Variants in UBAC2 observed in about 807,000 individuals in gnomAD.
UBAC2 encodes ubiquitin-associated domain-containing protein 2.
A neutral mutation model predicts 44.0 loss-of-function variants in UBAC2; 26 were observed. The ratio of observed to expected loss-of-function variants is 0.59; its 90% confidence interval spans 0.43 to 0.82. UBAC2 has a LOEUF of 0.82. UBAC2 is among the 40% of genes least tolerant of loss of function. UBAC2 has a pLI of 0.00. For missense variants in UBAC2, 329 were observed against 419.4 expected (o/e 0.78, Z 1.88); for synonymous variants, 155 against 154.3 (o/e 1.00, Z -0.04).
At chr13:99,355,609 A>C (rs2045167583) in intron 7 of UBAC2, among the ~76,000 whole-genome samples, 1 of 152,124 alleles carries the variant, frequency 6.6e-6, no homozygotes, top group Non-Finnish European at 1.5e-5. Flanking sequence ...CAAAACCAAA[A>C]CCAAACCAAA....
At chr13:99,347,243 A>G (rs2044998317) in intron 7 of UBAC2, among the ~76,000 whole-genome samples, 1 of 145,170 alleles carries the variant, frequency 6.9e-6, no homozygotes, top group Non-Finnish European at 1.5e-5. Flanking sequence ...TTCAGTGGCC[A>G]GGGAGCCTGC....
chr13:99,358,757 G>T (rs961162069), intron 7 of UBAC2, among the ~76,000 whole-genome samples: 2 of 152,102 alleles, frequency 1.3e-5, no homozygotes, highest in South Asian at 4.1e-4. Context: ...AGTGGACAGA[G>T]CCTAGAGATC....
At chr13:99,335,169 T>C (rs73568099) in intron 6 of UBAC2, among the ~76,000 whole-genome samples, 285 of 152,352 alleles carry the variant, frequency 1.9e-3, no homozygotes, top group African/African-American at 6.6e-3. Flanking sequence ...AGTTGAATAC[T>C]TTGAGACCGA....
chr13:99,294,872 GTGCTTTATGTTGTT>G (rs947599917), intron 4 of UBAC2: 8 of 478,170 alleles, frequency 1.7e-5, no homozygotes, highest in Non-Finnish European at 2.8e-5. Flanking sequence ...CATTTTTATT[GTGCTTTATGTTGTT>G]TGCTTTATGT....
chr13:99,322,713 G>C (rs927673587), intron 6 of UBAC2, among the ~76,000 whole-genome samples: 1 of 152,188 alleles, frequency 6.6e-6, no homozygotes, highest in Non-Finnish European at 1.5e-5. Context: ...GTAAGATTTG[G>C]GACTTCAAAT....
chr13:99,338,039 CTTTTTTTCTTTTTTT>C (rs2044819338), intron 6 of UBAC2, among the ~76,000 whole-genome samples: 3 of 91,562 alleles, frequency 3.3e-5, no homozygotes, highest in South Asian at 4.6e-4. Context: ...AACTTTTTTT[CTTTTTTTCTTTTTTT>C]TTTTTTTTTT....
At chr13:99,243,326 T>C (rs2043343113) in intron 2 of UBAC2, among the ~76,000 whole-genome samples, 1 of 151,534 alleles carries the variant, frequency 6.6e-6, no homozygotes, top group African/African-American at 2.4e-5. Context: ...AACTAATATT[T>C]CAAACCTAGT....
chr13:99,310,969 G>A (rs541448306), intron 4 of UBAC2, among the ~76,000 whole-genome samples: 47 of 152,298 alleles, frequency 3.1e-4, no homozygotes, highest in Admixed American at 3.9e-4. Flanking sequence ...CATATTTTGA[G>A]CTACATATGA....
At chr13:99,319,716 C>G (rs1472644052) in intron 6 of UBAC2, among the ~76,000 whole-genome samples, 4 of 152,200 alleles carry the variant, frequency 2.6e-5, no homozygotes, top group African/African-American at 9.7e-5. Context: ...AGCTATCCGT[C>G]TGGTATTCTT....
chr13:99,234,151 G>A (rs914372999), intron 1 of UBAC2, among the ~76,000 whole-genome samples: 3 of 150,138 alleles, frequency 2.0e-5, no homozygotes, highest in Admixed American at 6.6e-5. Context: ...ATCATGGGCC[G>A]GACATTGTGC....
At chr13:99,294,371 G>A (rs183036417) in intron 4 of UBAC2, among the ~76,000 whole-genome samples, 29 of 152,244 alleles carry the variant, frequency 1.9e-4, no homozygotes, top group Non-Finnish European at 3.7e-4. Context: ...CTAAGCAGAG[G>A]CCCTAAAAGA....
intron 4 of UBAC2, among the ~76,000 whole-genome samples, chr13:99,286,440 A>G (rs1364804720): frequency 6.6e-6 from 1 of 151,798 alleles, no homozygotes; most frequent in African/African-American, 2.4e-5. Flanking sequence ...TTTGCTGGTG[A>G]CTTTGTTACC....
At chr13:99,382,996 C>T (rs986387720) in intron 8 of UBAC2, among the ~76,000 whole-genome samples, 8 of 152,192 alleles carry the variant, frequency 5.3e-5, no homozygotes, top group Non-Finnish European at 7.3e-5. Flanking sequence ...GGGTTGTTCT[C>T]GGTTACTTCA....
intron 4 of UBAC2, among the ~76,000 whole-genome samples, chr13:99,311,066 G>A (rs1007855145): frequency 1.3e-5 from 2 of 152,192 alleles, no homozygotes; most frequent in Admixed American, 1.3e-4. Flanking sequence ...TGGTTTTACT[G>A]TTTTAAAGGA....
intron 1 of UBAC2, chr13:99,201,492 A>G: frequency 1.2e-6 from 2 of 1,614,214 alleles, no homozygotes; most frequent in Non-Finnish European, 1.7e-6. Flanking sequence ...GAGGGAAGTT[A>G]GGAAGTCGTG....
intron 7 of UBAC2, among the ~76,000 whole-genome samples, chr13:99,354,732 G>A (rs576486879): frequency 7.9e-5 from 12 of 152,256 alleles, no homozygotes; most frequent in South Asian, 2.1e-4. Context: ...CAGGATGCCC[G>A]AGGGTTTTTG....
chr13:99,255,207 C>T (rs1157750051), intron 4 of UBAC2: 5 of 1,614,070 alleles, frequency 3.1e-6, no homozygotes, highest in Non-Finnish European at 3.4e-6. Context: ...CTTTGGGTTT[C>T]AGCTTAGACG....
intron 1 of UBAC2, among the ~76,000 whole-genome samples, chr13:99,222,856 T>A (rs1185883329): frequency 6.6e-6 from 1 of 152,228 alleles, no homozygotes; most frequent in Non-Finnish European, 1.5e-5. Context: ...AGTGTAACAC[T>A]GGCTTCATAA....
rs759297846 is a variant in UBAC2 at position 99,200,947 on chromosome 13, C to T, written c.31+8C>T. ...CCGGCTCCAGTGGGCTCTGTGAGTA[C>T]CGGCCTCCGCCATCCTGGCTGCCCC... is the stretch of plus-strand genomic sequence containing the variant. On this transcript the variant is annotated splice_region_variant and intron_variant, in intron 1 of 8. Transcript: ENST00000403766. 30 of 1,306,636 alleles carry T rather than the reference C, an allele frequency of 2.3e-5. No individual in the cohort carries two copies. Among genetic ancestry groups the T allele is most frequent in the Non-Finnish European group, 2.5e-5 (26 of 1,019,706 alleles). The allele number at this position is 1,306,636 out of a possible 1,614,324, so 80.9% of individuals were successfully genotyped here.
Sources: gnomAD v4.1 joint callset for allele counts (sites outside exome capture counted in the v4.1 genomes callset) on GRCh38, gnomAD v4.1.1 for gene constraint, MANE v1.5 for transcripts, NCBI Gene and HGNC (gene_info 2026-07-23, HGNC 2026-07-21) for gene names.